Variants in DCDC1 observed in about 807,000 individuals in gnomAD.
DCDC1 encodes doublecortin domain containing 1.
In DCDC1, 200 loss-of-function variants were observed where a neutral mutation model predicts 178.3. That is an observed-to-expected ratio of 1.12 (90% CI 1.00 to 1.26). The LOEUF (loss-of-function observed/expected upper bound fraction) is 1.26. Ranked by LOEUF, DCDC1 falls within the 50% of genes most tolerant of loss-of-function variation. DCDC1 has a pLI of 0.00. For missense variants in DCDC1, 1,983 were observed against 1,749.2 expected (o/e 1.13, Z -2.38); for synonymous variants, 690 against 604.8 (o/e 1.14, Z -2.07).
At position 30,915,585 on chromosome 11, in the gene DCDC1, T is replaced by C. The variant is rs745755931; in HGVS notation, c.3579A>G (p.Ser1193=). The C allele has an allele frequency of 6.8e-6, 11 of 1,613,884 alleles. No homozygotes were observed. The South Asian group carries it at 1.1e-4, about 16-fold the overall frequency. Reference sequence around the variant, plus strand: ...TCTCCACCAAAACCACCTCCATGCCTGATCGGAGATTGGGACCTTGAACCC... The same window carrying C: ...TCTCCACCAAAACCACCTCCATGCCCGATCGGAGATTGGGACCTTGAACCC... ...VLGVQGPNLR[S]GMEVVLVEKK... Residue 1193 remains serine, a synonymous_variant, in exon 27 of 39, where the codon TCA becomes TCG. Transcript: ENST00000684477.
At chr11:31,315,204 C>T (rs1949002808) in intron 3 of DCDC1, among the ~76,000 whole-genome samples, 1 of 150,264 alleles carries the variant, frequency 6.7e-6, no homozygotes, top group Non-Finnish European at 1.5e-5. Flanking sequence ...CTTGGTCTCA[C>T]ATTCAACAAT....
intron 20 of DCDC1, among the ~76,000 whole-genome samples, chr11:30,991,566 AC>A (rs1349087514): frequency 2.0e-5 from 3 of 152,188 alleles, no homozygotes; most frequent in East Asian, 1.9e-4. Flanking sequence ...CATGCCATGC[AC>A]CACCGACGTC....
At chr11:30,888,140 A>AAGAAAG (rs1565030299) in intron 36 of DCDC1, among the ~76,000 whole-genome samples, 2 of 145,606 alleles carry the variant, frequency 1.4e-5, no homozygotes, top group Non-Finnish European at 3.0e-5. Context: ...GAAAGAAAGA[A>AAGAAAG]AGAAAGAAAG....
chr11:31,296,771 A>T (rs926072062), intron 6 of DCDC1, among the ~76,000 whole-genome samples: 1 of 152,200 alleles, frequency 6.6e-6, no homozygotes, highest in Non-Finnish European at 1.5e-5. Flanking sequence ...AAAGAAGGAG[A>T]AGTGCAGAGC....
At chr11:31,071,494 A>G (rs1956558759) in intron 18 of DCDC1, among the ~76,000 whole-genome samples, 1 of 152,126 alleles carries the variant, frequency 6.6e-6, no homozygotes, top group Non-Finnish European at 1.5e-5. Context: ...ACTCTCTTTG[A>G]TGGTCCCCAA....
chr11:30,955,361 C>A (rs1042527147), intron 20 of DCDC1, among the ~76,000 whole-genome samples: 1 of 152,172 alleles, frequency 6.6e-6, no homozygotes, highest in East Asian at 1.9e-4. Context: ...ATCCTCTCTT[C>A]TCATTTATTG....
intron 9 of DCDC1, among the ~76,000 whole-genome samples, chr11:31,213,220 G>C (rs984144459): frequency 1.5e-4 from 21 of 143,618 alleles, no homozygotes; most frequent in African/African-American, 5.2e-4. Flanking sequence ...TGGCTCTTCA[G>C]TCACTTCACC....
At chr11:31,182,598 AAAC>A (rs751802880) in intron 9 of DCDC1, among the ~76,000 whole-genome samples, 71 of 152,060 alleles carry the variant, frequency 4.7e-4, no homozygotes, top group African/African-American at 1.4e-3. Flanking sequence ...TGTAAAAACA[AAAC>A]AACAACAACA....
chr11:31,261,366 T>C (rs1944769573), intron 8 of DCDC1, among the ~76,000 whole-genome samples: 1 of 152,176 alleles, frequency 6.6e-6, no homozygotes, highest in African/African-American at 2.4e-5. Context: ...CATATCCCTG[T>C]TATTTTGGTG....
intron 17 of DCDC1, among the ~76,000 whole-genome samples, chr11:31,087,820 A>G (rs1419231609): frequency 6.6e-6 from 1 of 152,140 alleles, no homozygotes; most frequent in African/African-American, 2.4e-5. Flanking sequence ...ATTTTTCTAT[A>G]AATATCAATT....
intron 9 of DCDC1, among the ~76,000 whole-genome samples, chr11:31,159,041 T>G (rs1966041280): frequency 6.6e-6 from 1 of 151,546 alleles, no homozygotes; most frequent in Non-Finnish European, 1.5e-5. Flanking sequence ...AAAATACCAA[T>G]AAAAATAATA....
intron 7 of DCDC1, 61 bp downstream of exon 7, chr11:31,290,586 A>G (rs1183098223): frequency 2.0e-6 from 3 of 1,487,528 alleles, no homozygotes; most frequent in East Asian, 4.9e-5. Context: ...AAAACAACAC[A>G]TTTCAACAGC....
At chr11:31,160,489 C>A (rs1161880503) in intron 9 of DCDC1, among the ~76,000 whole-genome samples, 9 of 152,212 alleles carry the variant, frequency 5.9e-5, no homozygotes, top group Admixed American at 4.6e-4. Flanking sequence ...CATGCTAGAT[C>A]ATCTGGAATA....
At chr11:30,990,470 T>A (rs542537998) in intron 20 of DCDC1, among the ~76,000 whole-genome samples, 1 of 152,186 alleles carries the variant, frequency 6.6e-6, no homozygotes, top group East Asian at 1.9e-4. Context: ...TCTTTATGAG[T>A]CGTGGGCTCT....
intron 17 of DCDC1, among the ~76,000 whole-genome samples, chr11:31,085,155 T>C (rs915848217): frequency 1.3e-5 from 2 of 150,930 alleles, no homozygotes; most frequent in African/African-American, 4.9e-5. Context: ...TTTTTCTTAA[T>C]TGTTTTTAAG....
intron 11 of DCDC1, among the ~76,000 whole-genome samples, chr11:31,118,538 G>T (rs915296891): frequency 6.6e-6 from 1 of 152,078 alleles, no homozygotes; most frequent in Non-Finnish European, 1.5e-5. Context: ...CGGTAATCCA[G>T]GGGACGGGAA....
intron 1 of DCDC1, among the ~76,000 whole-genome samples, chr11:31,337,582 T>C (rs1950335339): frequency 6.6e-6 from 1 of 152,164 alleles, no homozygotes; most frequent in South Asian, 2.1e-4. Flanking sequence ...GGAAGATTGC[T>C]TGAGCCCAGG....
In DCDC1 at chr11:30,907,259, C is replaced by T. The variant is rs143132435; in HGVS notation, c.3919-534G>A. On this transcript the variant is annotated intron_variant, in intron 29 of 38. Transcript: ENST00000684477. ...AAATAAAAACAAAACTGCAACTTTT[C>T]GGAGACTGTTGGAAGTAAACTGGCA... 6.3e-3 allele frequency among the ~76,000 whole-genome samples: 957 copies of T among 152,248 alleles called. 12 individuals are homozygous for T. The highest frequency in any genetic ancestry group is 0.022 in the African/African-American group (903 of 41,542).
intron 7 of DCDC1, among the ~76,000 whole-genome samples, chr11:31,285,361 G>C (rs1293770806): frequency 6.6e-6 from 1 of 152,044 alleles, no homozygotes; most frequent in African/African-American, 2.4e-5. Flanking sequence ...CTTTAAAGAA[G>C]TTCCAACATA....
Sources: gnomAD v4.1 joint callset for allele counts (sites outside exome capture counted in the v4.1 genomes callset) on GRCh38, gnomAD v4.1.1 for gene constraint, MANE v1.5 for transcripts, NCBI Gene and HGNC (gene_info 2026-07-23, HGNC 2026-07-21) for gene names.